The following PELI3 variants were observed in gnomAD, a reference collection of about 807,000 sequenced individuals.
The protein encoded by PELI3 is pellino E3 ubiquitin protein ligase family member 3, also known as E3 ubiquitin-protein ligase pellino homolog 3.
A neutral mutation model predicts 35.5 loss-of-function variants in PELI3; 19 were observed. That is an observed-to-expected ratio of 0.54 (90% confidence interval 0.37 to 0.79). The LOEUF (loss-of-function observed/expected upper bound fraction) is 0.79, where lower values mean the gene tolerates loss of function less well. Among genes scored for constraint, PELI3 ranks in the 30% least tolerant of loss-of-function variants. The pLI, the probability that PELI3 is intolerant of heterozygous loss-of-function variation, is 0.00. For synonymous variants in PELI3, 262 were observed against 279.2 expected, an observed-to-expected ratio of 0.94 and a Z score of 0.62; for missense variants, 490 against 661.2, an observed-to-expected ratio of 0.74 and a Z score of 2.84.
In PELI3 at chr11:66,476,234, G is replaced by T. The variant is rs1267014589; in HGVS notation, c.*67G>T. Reference sequence around the variant, plus strand: ...AGGTCCCCACCTCCTGCAGCCCAGAGGGAGCTCTGCATGTGGGACACTCCC... The same window carrying T: ...AGGTCCCCACCTCCTGCAGCCCAGATGGAGCTCTGCATGTGGGACACTCCC... On this transcript the variant is annotated 3_prime_UTR_variant, in exon 8 of 8. Coordinates refer to ENST00000320740, the MANE Select transcript of PELI3 (RefSeq NM_145065.3). 8.3e-6 allele frequency: 12 copies of T among 1,447,466 alleles called. No homozygotes were observed. Among genetic ancestry groups the T allele is most frequent in the Non-Finnish European group, 9.2e-6 (10 of 1,083,356 alleles). The allele number at this position is 1,447,466 out of a possible 1,614,324, so 89.7% of individuals were successfully genotyped here.
Position 66,468,209 on chromosome 11 carries a change from TCTCTC to T in PELI3, c.88_92del (p.Ser30ArgfsTer2). The T allele has an allele frequency of 6.2e-7, 1 of 1,605,402 alleles. No homozygotes were observed. The highest frequency in any genetic ancestry group is 8.5e-7 in the Non-Finnish European group (1 of 1,175,232). On this transcript the variant is annotated frameshift_variant, in exon 2 of 8. Transcript: ENST00000320740. LOFTEE classifies it high-confidence loss of function. Reference sequence around the variant, plus strand: ...ACCGGGGGAACAAGGGCTCTTGCGTTCTCTCCTCTCCCGGTGAAGATGCGCAGCCA... The same window carrying T: ...ACCGGGGGAACAAGGGCTCTTGCGTTCTCTCCCGGTGAAGATGCGCAGCCA...
chr11:66,468,429 C>A, intron 2 of PELI3, 149 bp downstream of exon 2: 1 of 741,934 alleles, frequency 1.3e-6, no homozygotes, highest in Non-Finnish European at 1.9e-6. Flanking sequence ...TTGACCAAAC[C>A]CACCTCAATT....
chr11:66,472,520 C>T, intron 5 of PELI3, 50 bp downstream of exon 5: 1 of 1,494,082 alleles, frequency 6.7e-7, no homozygotes, highest in Non-Finnish European at 9.3e-7. Context: ...CCTCTAGGCT[C>T]TGCAAGCATT....
Position 66,476,419 on chromosome 11 carries a change from T to C in PELI3, c.*252T>C, listed in dbSNP as rs1378463668. The C allele has an allele frequency of 2.8e-5, 15 of 545,292 alleles. No homozygotes were observed. The highest frequency in any genetic ancestry group is 3.2e-5 in the East Asian group (1 of 31,734). The allele number at this position is 545,292 out of a possible 1,614,324, so 33.8% of individuals were successfully genotyped here. A position where few individuals can be genotyped will look rare whatever the true frequency, so the allele number is the denominator to read the frequency against. On this transcript the variant is annotated 3_prime_UTR_variant, in exon 8 of 8. Coordinates refer to ENST00000320740, the MANE Select transcript of PELI3 (RefSeq NM_145065.3). ...GTCGATGGAGGAAAGCCCAGCCCCA[T>C]GGCCTTGCCCTTCCTGGGGCATCCC...
In PELI3 at chr11:66,475,717, C is replaced by T; in HGVS notation, c.960C>T (p.Ala320=). The T allele has an allele frequency of 3.1e-6, 5 of 1,612,180 alleles. No individual in the cohort carries two copies. Among genetic ancestry groups the T allele is most frequent in the Non-Finnish European group, 4.2e-6 (5 of 1,179,682 alleles). ...CTCCCACACTGAAGCAACTGGAGGC[C>T]CAGCGGCAGGAGGCAAATGCAGCGC... ...LRAPTLKQLE[A]QRQEANAARP... The change falls in exon 8 of 8, where the codon GCC becomes GCT. Residue 320 remains alanine, a synonymous_variant. Transcript: ENST00000320740.
chr11:66,469,055 A>T, intron 3 of PELI3, 151 bp downstream of exon 3: 1 of 541,028 alleles, frequency 1.8e-6, no homozygotes, highest in Non-Finnish European at 3.4e-6. Flanking sequence ...GGCCAACCTC[A>T]TCCCTTCCTG....
Position 66,475,830 on chromosome 11 carries a change from T to C in PELI3, c.1073T>C (p.Val358Ala). Residue 358 changes from valine (V) to alanine (A), a missense_variant, in exon 8 of 8, where the codon GTC becomes GCC. By Grantham distance (64) the Val-to-Ala change is moderately conservative. Around this residue, in one of 3 missense-constraint regions of PELI3, gnomAD observed 349 missense variants for 484.8 expected, o/e 0.72. Transcript: ENST00000320740. Reference sequence around the variant, plus strand: ...GCGCCCGACAAACAGCAGCCCTGGGTCTACGTCCGCTGCGGGCACGTCCAT... The same window carrying C: ...GCGCCCGACAAACAGCAGCCCTGGGCCTACGTCCGCTGCGGGCACGTCCAT... Reference protein sequence around the residue: ...RTAPDKQQPWVYVRCGHVHGY... With the variant: ...RTAPDKQQPWAYVRCGHVHGY... 1 of 1,607,156 alleles carries C rather than the reference T, an allele frequency of 6.2e-7. No individual in the cohort carries two copies. Among genetic ancestry groups the C allele is most frequent in the East Asian group, 2.2e-5 (1 of 44,672 alleles).
At position 66,472,349 on chromosome 11, in the gene PELI3, G is replaced by A; in HGVS notation, c.355-20G>A. 2 of 1,603,482 alleles carry A rather than the reference G, an allele frequency of 1.2e-6. No individual in the cohort carries two copies. Among genetic ancestry groups the A allele is most frequent in the Non-Finnish European group, 1.7e-6 (2 of 1,170,450 alleles). ...ATCATGGCTGCACACCCTGGCAAGT[G>A]ACTTTTTTCTCCCCACCAGGCACTG... On this transcript the variant is annotated intron_variant, in intron 4 of 7. Coordinates refer to ENST00000320740, the MANE Select transcript of PELI3 (RefSeq NM_145065.3).
rs1453410049 is a variant in PELI3 at position 66,466,934 on chromosome 11, C to T, written c.-95C>T. ...CCGTGACGAGGCAGCGCGGAGCCGC[C>T]GCGGGCCGGGCCCATCCCGCCGCAG... On this transcript the variant is annotated 5_prime_UTR_variant, in exon 1 of 8. Transcript: ENST00000320740. The T allele has an allele frequency of 6.6e-6, 1 of 150,966 alleles. No homozygotes were observed. The highest frequency in any genetic ancestry group is 1.5e-5 in the Non-Finnish European group (1 of 67,316). 9.4% of individuals were successfully genotyped at this position (150,966 alleles called of 1,614,324 possible).
In PELI3 at chr11:66,476,428, C is replaced by A; in HGVS notation, c.*261C>A. 1.9e-6 allele frequency: 1 copy of A among 532,258 alleles called. No homozygotes were observed. Among genetic ancestry groups the A allele is most frequent in the Non-Finnish European group, 3.3e-6 (1 of 300,564 alleles). 33.0% of individuals were successfully genotyped at this position (532,258 alleles called of 1,614,324 possible). A position where few individuals can be genotyped will look rare whatever the true frequency, so the allele number is the denominator to read the frequency against. ...GGAAAGCCCAGCCCCATGGCCTTGC[C>A]CTTCCTGGGGCATCCCACATCGTGC... On this transcript the variant is annotated 3_prime_UTR_variant, in exon 8 of 8. Transcript: ENST00000320740.
chr11:66,471,909 G>T (rs934259282), intron 4 of PELI3, among the ~76,000 whole-genome samples: 1 of 152,074 alleles, frequency 6.6e-6, no homozygotes, highest in African/African-American at 2.4e-5. Context: ...ACCCAGGCTG[G>T]AGTACAGTGG....
Position 66,468,170 on chromosome 11 carries a change from C to G in PELI3, c.42C>G (p.Thr14=), listed in dbSNP as rs1849729514. ...EGNPEVGSPR[T]SDLQHRGNKG... The stretch of plus-strand genomic sequence containing the variant: ...ACCCTGAAGTGGGGTCCCCCCGAAC[C>G]TCAGACCTCCAGCACCGGGGGAACA... Residue 14 remains threonine (T), a synonymous_variant, in exon 2 of 8, where the codon ACC becomes ACG. Coordinates refer to ENST00000320740, the MANE Select transcript of PELI3 (RefSeq NM_145065.3). The G allele has an allele frequency of 6.2e-7, 1 of 1,609,050 alleles. No homozygotes were observed. The highest frequency in any genetic ancestry group is 8.5e-7 in the Non-Finnish European group (1 of 1,177,414).
At chr11:66,469,175 G>A (rs1418853444) in intron 3 of PELI3, among the ~76,000 whole-genome samples, 1 of 150,908 alleles carries the variant, frequency 6.6e-6, no homozygotes, top group Admixed American at 6.6e-5. Flanking sequence ...TTTGCCATCA[G>A]TCCTAAAGAA....
Position 66,473,144 on chromosome 11 carries a change from C to A in PELI3, c.457-97C>A. 7.9e-7 allele frequency: 1 copy of A among 1,272,606 alleles called. No homozygotes were observed. The highest frequency in any genetic ancestry group is 1.1e-6 in the Non-Finnish European group (1 of 935,190). The allele number at this position is 1,272,606 out of a possible 1,614,324, so 78.8% of individuals were successfully genotyped here. ...GCCTGGCAGCCTCCTTTTTTGGTGA[C>A]CTTGCATACAGAGCAGCTGCTGGTA... On this transcript the variant is annotated intron_variant, in intron 5 of 7. Coordinates refer to ENST00000320740, the MANE Select transcript of PELI3 (RefSeq NM_145065.3). The surrounding 1 kb of genome is among the most constrained non-coding windows in gnomAD (Gnocchi z 5.8).
chr11:66,473,144 C>T lies in PELI3; in HGVS notation c.457-97C>T, dbSNP rs1590720323. ...GCCTGGCAGCCTCCTTTTTTGGTGACCTTGCATACAGAGCAGCTGCTGGTA... is the reference window on the plus strand; with the variant it reads ...GCCTGGCAGCCTCCTTTTTTGGTGATCTTGCATACAGAGCAGCTGCTGGTA... On this transcript the variant is annotated intron_variant, in intron 5 of 7. Coordinates refer to ENST00000320740, the MANE Select transcript of PELI3 (RefSeq NM_145065.3). This position sits in a 1 kb window ranked among gnomAD's most constrained non-coding sequence, Gnocchi z 5.8. 1.6e-6 allele frequency: 2 copies of T among 1,272,608 alleles called. No homozygotes were observed. Among genetic ancestry groups the T allele is most frequent in the East Asian group, 2.4e-5 (1 of 41,850 alleles). 78.8% of individuals were successfully genotyped at this position (1,272,608 alleles called of 1,614,324 possible).
At chr11:66,474,147 T>G in intron 7 of PELI3, 1 of 699,760 alleles carries the variant, frequency 1.4e-6, no homozygotes, top group Non-Finnish European at 2.5e-6. Flanking sequence ...TGCATACCAC[T>G]GGAGGTCCAG....
chr11:66,471,642 C>T (rs964937332), intron 4 of PELI3, among the ~76,000 whole-genome samples: 7 of 151,970 alleles, frequency 4.6e-5, no homozygotes, highest in Non-Finnish European at 8.8e-5. Flanking sequence ...TATTTCCATC[C>T]AATGGAAATG....
intron 3 of PELI3, among the ~76,000 whole-genome samples, chr11:66,470,983 C>T (rs1854695080): frequency 6.6e-6 from 1 of 152,186 alleles, no homozygotes; most frequent in Admixed American, 6.5e-5. Context: ...CCCATCCAGG[C>T]ATGGCTCAAG....
Position 66,468,159 on chromosome 11 carries a change from TC to T in PELI3, c.37del (p.Arg13GlufsTer55). 3 of 1,607,554 alleles carry T rather than the reference TC, an allele frequency of 1.9e-6. No homozygotes were observed. Among genetic ancestry groups the T allele is most frequent in the East Asian group, 2.3e-5 (1 of 43,982 alleles). MVLEGNPEVG[S>X]PRTSDLQHRG... is the part of the protein sequence containing the mutation. ...GCTGGAAGGAAACCCTGAAGTGGGG[TC>T]CCCCCGAACCTCAGACCTCCAGCAC... On this transcript the variant is annotated frameshift_variant, in exon 2 of 8. Coordinates refer to ENST00000320740, the MANE Select transcript of PELI3 (RefSeq NM_145065.3). LOFTEE classifies it high-confidence loss of function.
Sources: gnomAD v4.1 joint callset for allele counts (sites outside exome capture counted in the v4.1 genomes callset) on GRCh38, gnomAD v4.1.1 for gene constraint, gnomAD v4.1.1 regional missense constraint, Gnocchi (gnomAD v3.1) non-coding constraint, MANE v1.5 for transcripts, NCBI Gene and HGNC (gene_info 2026-07-23, HGNC 2026-07-21) for gene names.